BSDC1: variants seen among roughly 807,000 people sequenced by gnomAD.
The protein encoded by BSDC1 is BSD domain-containing protein 1.
Under a neutral mutation model 56.0 loss-of-function variants are expected in BSDC1, and 29 were observed. The observed-to-expected ratio is 0.52, with a 90% confidence interval of 0.39 to 0.71. The LOEUF (loss-of-function observed/expected upper bound fraction) is 0.71, where lower values mean the gene tolerates loss of function less well. BSDC1 is among the 30% of genes least tolerant of loss of function. The pLI, the probability that BSDC1 is intolerant of heterozygous loss-of-function variation, is 0.00. For missense variants in BSDC1, 477 were observed against 548.5 expected (o/e 0.87, Z 1.30); for synonymous variants, 210 against 215.3 (o/e 0.98, Z 0.21).
intron 10 of BSDC1, chr1:32,368,032 C>CTTTTT: frequency 9.7e-7 from 1 of 1,025,764 alleles, no homozygotes; most frequent in Non-Finnish European, 1.2e-6. Context: ...TTCTTTTTTC[C>CTTTTT]TTTTTTTTTT....
chr1:32,384,606 C>T (rs747044024), intron 3 of BSDC1, among the ~76,000 whole-genome samples: 6 of 152,010 alleles, frequency 3.9e-5, no homozygotes, highest in Non-Finnish European at 7.4e-5. Flanking sequence ...ATACTTTGTA[C>T]AAAAGGTTGG....
intron 4 of BSDC1, among the ~76,000 whole-genome samples, chr1:32,382,815 A>G (rs1424727918): frequency 7.2e-6 from 1 of 139,006 alleles, no homozygotes; most frequent in Non-Finnish European, 1.5e-5. Context: ...AGCTGCAGTG[A>G]GCTGGGATCA....
At chr1:32,388,082 C>T (rs1363493734) in intron 2 of BSDC1, among the ~76,000 whole-genome samples, 1 of 152,200 alleles carries the variant, frequency 6.6e-6, no homozygotes, top group Non-Finnish European at 1.5e-5. Flanking sequence ...GCTTCAGACT[C>T]ACCAACTCTA....
At chr1:32,370,400 T>C (rs1159579428) in intron 9 of BSDC1, among the ~76,000 whole-genome samples, 1 of 152,170 alleles carries the variant, frequency 6.6e-6, no homozygotes, top group Non-Finnish European at 1.5e-5. Flanking sequence ...CCAGGATCTT[T>C]TGTTTTGTTC....
At position 32,378,751 on chromosome 1, in the gene BSDC1, G is replaced by T; in HGVS notation, c.501C>A (p.Pro167=). ...GEISELLVGS[P]SIRALYTKMV... ...TCTTGGTGTAGAGGGCCCGGATGGA[G>T]GGGCTGCCTACAAGGAGCTCTGAGA... is the stretch of plus-strand genomic sequence containing the variant. Residue 167 remains proline, a synonymous_variant, in exon 6 of 11, where the codon CCC becomes CCA. Coordinates refer to ENST00000455895, the MANE Select transcript of BSDC1 (RefSeq NM_018045.8). The surrounding 1 kb of genome is among the most constrained non-coding windows in gnomAD (Gnocchi z 5.2). 1 of 1,536,480 alleles carries T rather than the reference G, an allele frequency of 6.5e-7. No individual in the cohort carries two copies. The highest frequency in any genetic ancestry group is 8.8e-7 in the Non-Finnish European group (1 of 1,139,966).
rs57983539 is a variant in BSDC1 at position 32,368,286 on chromosome 1, A to C, written c.1260+161T>G. On this transcript the variant is annotated intron_variant, in intron 10 of 10. Coordinates refer to ENST00000455895, the MANE Select transcript of BSDC1 (RefSeq NM_018045.8). ...GAAAAGTGCAGCCTGCTGATGACCA[A>C]TGTTGTGGGTCTGAGCAGGAAGCTC... 21,622 of 1,570,524 alleles carry C rather than the reference A, an allele frequency of 0.014. 2,353 individuals are homozygous for C. In the African/African-American group the frequency reaches 0.25, roughly 18 times the overall value.
chr1:32,376,652 G>A lies in BSDC1; in HGVS notation c.766C>T (p.Pro256Ser). The A allele has an allele frequency of 7.0e-6, 10 of 1,423,902 alleles. No homozygotes were observed. The highest frequency in any genetic ancestry group is 9.3e-6 in the Non-Finnish European group (10 of 1,076,616). The allele number at this position is 1,423,902 out of a possible 1,614,324, so 88.2% of individuals were successfully genotyped here. A position where few individuals can be genotyped will look rare whatever the true frequency, so the allele number is the denominator to read the frequency against. Residue 256 changes from proline (P) to serine (S), a missense_variant, in exon 9 of 11, where the codon CCC (proline) becomes TCC (serine). Transcript: ENST00000455895. Reference sequence around the variant, plus strand: ...AGATTCTCTTCACAGGGGCTCTGGGGGCCAGGTTCTCCTTCAGGGAATGTA... The same window carrying A: ...AGATTCTCTTCACAGGGGCTCTGGGAGCCAGGTTCTCCTTCAGGGAATGTA... ...ISTFPEGEPG[P>S]QSPCEENLVT...
rs1262763948 is a variant in BSDC1 at position 32,376,729 on chromosome 1, C to A, written c.689G>T (p.Gly230Val). The A allele has an allele frequency of 3.7e-5, 52 of 1,414,042 alleles. No individual in the cohort carries two copies. The highest frequency in any genetic ancestry group is 4.7e-5 in the Non-Finnish European group (50 of 1,072,742). 87.6% of individuals were successfully genotyped at this position (1,414,042 alleles called of 1,614,324 possible). A position where few individuals can be genotyped will look rare whatever the true frequency, so the allele number is the denominator to read the frequency against. The part of the protein sequence containing the change: ...GWEEEEEELM[G>V]ISPISPKEAK... The stretch of plus-strand genomic sequence containing the variant: ...CTCTTTTGGAGATATGGGTGAAATG[C>A]CCATGAGCTCCTCTGTAGAGAGAGA... The change falls in exon 9 of 11, where the codon GGC becomes GTC. Residue 230 changes from glycine to valine, a missense_variant. By Grantham distance (109) the Gly-to-Val change is moderately radical (BLOSUM62 -3). Coordinates refer to ENST00000455895, the MANE Select transcript of BSDC1 (RefSeq NM_018045.8).
chr1:32,376,447 C>G lies in BSDC1; in HGVS notation c.971G>C (p.Gly324Ala), dbSNP rs1043762372. The change falls in exon 9 of 11, where the codon GGT (glycine) becomes GCT (alanine). Residue 324 changes from glycine to alanine, a missense_variant. Transcript: ENST00000455895. ...LEEQGLAVDV[G>A]ETGPSPPIHS... ...AATAGGGGGTGAGGGTCCAGTCTCA[C>G]CCACATCCACAGCCAGGCCCTGTTC... 35 of 1,613,082 alleles carry G rather than the reference C, an allele frequency of 2.2e-5. No individual in the cohort carries two copies. Among genetic ancestry groups the G allele is most frequent in the Non-Finnish European group, 2.9e-5 (34 of 1,179,292 alleles).
chr1:32,366,350 C>T lies in BSDC1; in HGVS notation c.*272G>A. ...ACAGTGGGTGTTCAGCAGAAAAACA[C>T]AGGCTCTTCTGGTGAGGAGGATAGG... is the stretch of plus-strand genomic sequence containing the variant. On this transcript the variant is annotated 3_prime_UTR_variant, in exon 11 of 11. Coordinates refer to ENST00000455895, the MANE Select transcript of BSDC1 (RefSeq NM_018045.8). The T allele has an allele frequency of 1.5e-6, 1 of 653,022 alleles. No homozygotes were observed. The highest frequency in any genetic ancestry group is 2.8e-6 in the Non-Finnish European group (1 of 357,002). The allele number at this position is 653,022 out of a possible 1,614,324, so 40.5% of individuals were successfully genotyped here. A position where few individuals can be genotyped will look rare whatever the true frequency, so the allele number is the denominator to read the frequency against.
chr1:32,366,280 G>A lies in BSDC1; in HGVS notation c.*342C>T, dbSNP rs573239350. The stretch of plus-strand genomic sequence containing the variant: ...TTAGCTTCTGTCTACACAGGCAGAA[G>A]GGCTAGAACTATCCCTTGGGACTTC... On this transcript the variant is annotated 3_prime_UTR_variant, in exon 11 of 11. Coordinates refer to ENST00000455895, the MANE Select transcript of BSDC1 (RefSeq NM_018045.8). 1.1e-5 allele frequency: 5 copies of A among 471,680 alleles called. No individual in the cohort carries two copies. Among genetic ancestry groups the A allele is most frequent in the East Asian group, 4.3e-5 (1 of 23,278 alleles). The allele number at this position is 471,680 out of a possible 1,614,324, so 29.2% of individuals were successfully genotyped here. A position where few individuals can be genotyped will look rare whatever the true frequency, so the allele number is the denominator to read the frequency against.
At chr1:32,369,371 GT>G (rs1348604977) in intron 9 of BSDC1, 1 of 1,140,046 alleles carries the variant, frequency 8.8e-7, no homozygotes, top group East Asian at 5.8e-5. Flanking sequence ...GCCAGGCATG[GT>G]AGTACACACC....
intron 3 of BSDC1, 132 bp downstream of exon 3, chr1:32,386,647 A>C (rs765620010): frequency 5.4e-6 from 3 of 553,068 alleles, no homozygotes; most frequent in Non-Finnish European, 9.2e-6. Flanking sequence ...ATTCTTTCAA[A>C]ATGGGAGGAA....
At chr1:32,383,059 G>T (rs983471253) in intron 4 of BSDC1, among the ~76,000 whole-genome samples, 1 of 151,926 alleles carries the variant, frequency 6.6e-6, no homozygotes, top group Admixed American at 6.6e-5. Context: ...TCCTTATTAT[G>T]CTTGAAAGCT....
intron 5 of BSDC1, among the ~76,000 whole-genome samples, chr1:32,379,199 T>C (rs543090573): frequency 2.6e-5 from 4 of 152,256 alleles, no homozygotes; most frequent in Admixed American, 1.3e-4. Flanking sequence ...CTGGGGGCCA[T>C]TGCCTTTCTC....
intron 2 of BSDC1, among the ~76,000 whole-genome samples, chr1:32,389,207 G>T (rs1642782443): frequency 6.6e-6 from 1 of 151,970 alleles, no homozygotes; most frequent in African/African-American, 2.4e-5. Flanking sequence ...GCCCACCTTG[G>T]CCTCCCAATT....
At chr1:32,371,590 G>A (rs917069768) in intron 9 of BSDC1, among the ~76,000 whole-genome samples, 1 of 151,966 alleles carries the variant, frequency 6.6e-6, no homozygotes, top group African/African-American at 2.4e-5. Context: ...GATTACAAGC[G>A]TGAGCCACCG....
At chr1:32,382,240 A>C (rs1478183951) in intron 4 of BSDC1, among the ~76,000 whole-genome samples, 2 of 151,796 alleles carry the variant, frequency 1.3e-5, no homozygotes, top group African/African-American at 4.8e-5. Context: ...AAAAAAAAAA[A>C]AAACAGAAGT....
intron 10 of BSDC1, chr1:32,367,552 T>C: frequency 9.1e-6 from 9 of 985,394 alleles, no homozygotes; most frequent in Non-Finnish European, 1.1e-5. Flanking sequence ...GAAGGACTCA[T>C]GTGGTTCTTA....
Sources: allele counts gnomAD v4.1 joint callset (sites outside exome capture counted in the v4.1 genomes callset), GRCh38; gene constraint gnomAD v4.1.1; non-coding constraint Gnocchi (gnomAD v3.1); transcripts MANE v1.5; gene names NCBI Gene and HGNC (gene_info 2026-07-23, HGNC 2026-07-21).